MSH4: variants seen among roughly 807,000 people sequenced by gnomAD.
MSH4 encodes the protein mutS homolog 4.
In MSH4, 106 loss-of-function variants were observed where a neutral mutation model predicts 113.7. That is an observed-to-expected ratio of 0.93 (90% CI 0.80 to 1.10). The LOEUF (loss-of-function observed/expected upper bound fraction) is 1.10, where lower values mean the gene tolerates loss of function less well. Among genes scored for constraint, MSH4 ranks in the 50% least tolerant of loss-of-function variants. The probability of loss-of-function intolerance (pLI) is 0.00; values close to 1 mark genes in which losing one functional copy is unlikely to be tolerated. For missense variants in MSH4, 1,061 were observed against 1,093.7 expected, an observed-to-expected ratio of 0.97 and a Z score of 0.42; for synonymous variants, 368 against 380.2, an observed-to-expected ratio of 0.97 and a Z score of 0.37.
intron 19 of MSH4, among the ~76,000 whole-genome samples, chr1:75,901,784 G>A (rs1270187857): frequency 6.6e-6 from 1 of 151,986 alleles, no homozygotes; most frequent in African/African-American, 2.4e-5. Context: ...AACAGTGTAT[G>A]TGCATTCCCC....
At chr1:75,847,499 T>C (rs377636557) in intron 7 of MSH4, among the ~76,000 whole-genome samples, 8 of 151,834 alleles carry the variant, frequency 5.3e-5, no homozygotes, top group African/African-American at 1.7e-4. Context: ...ACCAGAGAAG[T>C]AGAGTTTCAA....
At chr1:75,898,146 A>C in intron 18 of MSH4, 65 bp downstream of exon 18, 1 of 1,110,648 alleles carries the variant, frequency 9.0e-7, no homozygotes. Context: ...ACAAACTTTC[A>C]TCTCTTCTTT....
rs764082224 is a variant in MSH4 at position 75,878,989 on chromosome 1, C to T, written c.1541-3C>T. 1.9e-6 allele frequency: 3 copies of T among 1,601,866 alleles called. No individual in the cohort carries two copies. Among genetic ancestry groups the T allele is most frequent in the Non-Finnish European group, 2.6e-6 (3 of 1,172,946 alleles). On this transcript the variant is annotated splice_region_variant and splice_polypyrimidine_tract_variant and intron_variant, in intron 11 of 19. Coordinates refer to ENST00000263187, the MANE Select transcript of MSH4 (RefSeq NM_002440.4). The stretch of plus-strand genomic sequence containing the variant: ...TTTTGTTTTTCTTGTTTCTGGTCAC[C>T]AGGAATGATATCACAACTTGGAGAA...
chr1:75,848,185 C>G, intron 7 of MSH4, 24 bp from the exon 8 acceptor site: 1 of 1,506,748 alleles, frequency 6.6e-7, no homozygotes, highest in South Asian at 1.2e-5. Context: ...AGTTTAAATA[C>G]TCACATTTGT....
chr1:75,862,370 C>G (rs1351842440), intron 8 of MSH4, among the ~76,000 whole-genome samples: 3 of 152,222 alleles, frequency 2.0e-5, no homozygotes, highest in African/African-American at 7.2e-5. Flanking sequence ...CTGCGTCAAT[C>G]TCGCTGGAAG....
intron 13 of MSH4, 73 bp downstream of exon 13, chr1:75,880,226 T>C (rs1651902265): frequency 2.6e-6 from 2 of 775,660 alleles, no homozygotes; most frequent in Non-Finnish European, 4.1e-6. Context: ...ATTGTATTAG[T>C]TTAATTTTTA....
chr1:75,895,317 A>G (rs1467657755), intron 17 of MSH4, among the ~76,000 whole-genome samples: 1 of 152,174 alleles, frequency 6.6e-6, no homozygotes, highest in Non-Finnish European at 1.5e-5. Context: ...CCGTTCTGTC[A>G]TGCTCTGTGT....
At chr1:75,890,879 A>C (rs539660447) in intron 17 of MSH4, 55 bp downstream of exon 17, 35 of 1,353,710 alleles carry the variant, frequency 2.6e-5, no homozygotes, top group Non-Finnish European at 3.4e-5. Flanking sequence ...GTATCCTTTT[A>C]TTATTATTGA....
rs1650293577 is a variant in MSH4, at chr1:75,816,416, G to T, written c.859G>T (p.Glu287Ter). 11 of 1,607,780 alleles carry T rather than the reference G, an allele frequency of 6.8e-6. No homozygotes were observed. The highest frequency in any genetic ancestry group is 9.4e-6 in the Non-Finnish European group (11 of 1,176,302). Residue 287 changes from glutamate to a stop codon, truncating the protein, a stop_gained, in exon 6 of 20, where the codon GAA becomes TAA. Coordinates refer to ENST00000263187, the MANE Select transcript of MSH4 (RefSeq NM_002440.4). LOFTEE classifies it high-confidence loss of function. ...TGTTGCAGCTTTGTTAAAATATGTT[G>T]AATTTATTCAAAATTCAGTTTATGC... Reference protein sequence around the residue: ...AAVAALLKYVEFIQNSVYAPK... With the variant: ...AAVAALLKYV
At chr1:75,900,022 A>G (rs1652473755) in intron 19 of MSH4, among the ~76,000 whole-genome samples, 1 of 151,886 alleles carries the variant, frequency 6.6e-6, no homozygotes, top group Non-Finnish European at 1.5e-5. Context: ...ATTAAAAATG[A>G]AAATCACTAT....
chr1:75,821,827 T>C (rs909142731), intron 6 of MSH4, among the ~76,000 whole-genome samples: 2 of 152,168 alleles, frequency 1.3e-5, no homozygotes, highest in African/African-American at 4.8e-5. Flanking sequence ...ATGCTGGTCT[T>C]GAACTCCCGA....
At chr1:75,837,238 G>T (rs77243037) in intron 7 of MSH4, among the ~76,000 whole-genome samples, 88 of 152,164 alleles carry the variant, frequency 5.8e-4, no homozygotes, top group Middle Eastern at 6.8e-3. Context: ...GGCTCTTACC[G>T]GACACTGAAT....
chr1:75,909,546 A>C (rs1437647368), intron 19 of MSH4, among the ~76,000 whole-genome samples: 1 of 151,410 alleles, frequency 6.6e-6, no homozygotes, highest in Non-Finnish European at 1.5e-5. Flanking sequence ...ATAGGTTTAC[A>C]TGTGCCATGG....
intron 7 of MSH4, among the ~76,000 whole-genome samples, chr1:75,836,788 A>G (rs1361904801): frequency 5.3e-5 from 8 of 152,046 alleles, no homozygotes; most frequent in Admixed American, 5.2e-4. Flanking sequence ...TTTTAAATAT[A>G]CTTCTCTTCC....
chr1:75,878,164 T>G lies in MSH4; in HGVS notation c.1386T>G (p.Leu462=), dbSNP rs750478276. 3 of 1,597,706 alleles carry G rather than the reference T, an allele frequency of 1.9e-6. No individual in the cohort carries two copies. In the East Asian group the frequency reaches 6.8e-5, roughly 36 times the overall value. Residue 462 remains leucine (L), a synonymous_variant, in exon 11 of 20, where the codon CTT becomes CTG. Transcript: ENST00000263187. ...SLEDKRFGII[L]EKIKTVINDD... ...TTAATATTAGGTTTGGAATCATACT[T>G]GAAAAGATTAAAACAGTAATTAATG...
At chr1:75,881,581 C>G (rs1252211316) in intron 14 of MSH4, among the ~76,000 whole-genome samples, 2 of 151,430 alleles carry the variant, frequency 1.3e-5, no homozygotes, top group African/African-American at 4.8e-5. Flanking sequence ...ATTGGCAAAC[C>G]AAAAAGAAAA....
At chr1:75,876,877 T>TA in intron 9 of MSH4, 59 bp from the exon 10 acceptor site, 2 of 935,862 alleles carry the variant, frequency 2.1e-6, no homozygotes, top group Non-Finnish European at 3.2e-6. Flanking sequence ...TGTAAAATGA[T>TA]ATGTTTGAAT....
intron 7 of MSH4, among the ~76,000 whole-genome samples, chr1:75,840,419 A>T (rs2100539428): frequency 6.8e-6 from 1 of 147,548 alleles, no homozygotes; most frequent in African/African-American, 2.5e-5. Flanking sequence ...TATCACAAGA[A>T]CAAAAAACCA....
chr1:75,859,815 T>C (rs1000429326), intron 8 of MSH4, among the ~76,000 whole-genome samples: 2 of 152,208 alleles, frequency 1.3e-5, no homozygotes, highest in Non-Finnish European at 2.9e-5. Flanking sequence ...CTGGATATCC[T>C]TGTTAATTTT....
Sources: gnomAD v4.1 joint callset for allele counts (sites outside exome capture counted in the v4.1 genomes callset) on GRCh38, gnomAD v4.1.1 for gene constraint, MANE v1.5 for transcripts, NCBI Gene and HGNC (gene_info 2026-07-23, HGNC 2026-07-21) for gene names.